The following PSD3 variants were observed in gnomAD, a reference collection of about 807,000 sequenced individuals.
PSD3 encodes the protein PH and SEC7 domain-containing protein 3.
In PSD3, 49 loss-of-function variants were observed where a neutral mutation model predicts 105.5. That is an observed-to-expected ratio of 0.46 (90% CI 0.37 to 0.59). PSD3 has a LOEUF of 0.59. Among genes scored for constraint, PSD3 ranks in the 20% least tolerant of loss-of-function variants. The pLI, the probability that PSD3 is intolerant of heterozygous loss-of-function variation, is 0.00. For synonymous variants in PSD3, 557 were observed against 457.8 expected (o/e 1.22, Z -2.77); for missense variants, 1,561 against 1,263.8 (o/e 1.24, Z -3.57).
chr8:18,946,691 G>A (rs542841376), intron 1 of PSD3, among the ~76,000 whole-genome samples: 1 of 151,990 alleles, frequency 6.6e-6, no homozygotes, highest in Non-Finnish European at 1.5e-5. Context: ...CCTGAGGTCA[G>A]GAGTTCAAGA....
chr8:19,044,297 G>A (rs145522854), intron 1 of PSD3, among the ~76,000 whole-genome samples: 4 of 152,030 alleles, frequency 2.6e-5, no homozygotes, highest in East Asian at 1.9e-4. Flanking sequence ...CTCAATCCAC[G>A]CTATTTACTA....
intron 4 of PSD3, among the ~76,000 whole-genome samples, chr8:18,828,441 A>G (rs1813406441): frequency 6.6e-6 from 1 of 152,190 alleles, no homozygotes; most frequent in Admixed American, 6.5e-5. Context: ...CTTCGATACA[A>G]GAAAGCCATC....
intron 1 of PSD3, chr8:18,979,773 A>G (rs114768233): frequency 0.017 from 2,743 of 158,870 alleles, 93 homozygotes; most frequent in African/African-American, 0.063. Context: ...TGCTACAACT[A>G]AAAGAAAGAA....
At chr8:18,764,447 AT>A (rs965015677) in intron 9 of PSD3, among the ~76,000 whole-genome samples, 15 of 151,652 alleles carry the variant, frequency 9.9e-5, no homozygotes, top group Admixed American at 2.6e-4. Flanking sequence ...TTTCTTCCTG[AT>A]TTTTTTTTCA....
rs369195482 is a variant in PSD3, at chr8:18,883,067, T to G, written c.131-10334A>C. On this transcript the variant is annotated intron_variant, in intron 2 of 15. Coordinates refer to ENST00000327040, the MANE Select transcript of PSD3 (RefSeq NM_015310.4). ...CATAGATATCACCAAGGAGGCTTGT[T>G]AGAAATTCAGACTCTCAGGCACCAC... Among the ~76,000 whole-genome samples, 13 of 152,246 alleles carry G rather than the reference T, an allele frequency of 8.5e-5. No individual in the cohort carries two copies. In the East Asian group the frequency reaches 9.7e-4, roughly 11 times the overall value.
chr8:18,684,182 C>T (rs1415299249), intron 9 of PSD3: 2 of 371,774 alleles, frequency 5.4e-6, no homozygotes, highest in East Asian at 5.0e-5. Flanking sequence ...TGCAATCCAC[C>T]CCTGCTACTC....
intron 1 of PSD3, among the ~76,000 whole-genome samples, chr8:19,045,856 C>T (rs1024113171): frequency 3.9e-5 from 6 of 152,198 alleles, no homozygotes; most frequent in Non-Finnish European, 5.9e-5. Context: ...AATAACCTGT[C>T]AGGTAAGTGT....
intron 9 of PSD3, among the ~76,000 whole-genome samples, chr8:18,670,675 T>A (rs73199909): frequency 0.035 from 5,396 of 152,182 alleles, 103 homozygotes; most frequent in East Asian, 0.049. Context: ...ATATTTAAAG[T>A]CATTTAAGCT....
chr8:18,904,220 G>A (rs1453424849), intron 2 of PSD3, among the ~76,000 whole-genome samples: 1 of 152,066 alleles, frequency 6.6e-6, no homozygotes, highest in African/African-American at 2.4e-5. Flanking sequence ...TAAACAACTA[G>A]GTCTTATATA....
At chr8:18,579,129 C>CACACAT (rs1240688090) in intron 12 of PSD3, among the ~76,000 whole-genome samples, 1 of 151,386 alleles carries the variant, frequency 6.6e-6, no homozygotes, top group Non-Finnish European at 1.5e-5. Flanking sequence ...CACACACACA[C>CACACAT]ACACAAAGGG....
At chr8:18,668,995 G>A (rs1192678934) in intron 9 of PSD3, among the ~76,000 whole-genome samples, 2 of 152,156 alleles carry the variant, frequency 1.3e-5, no homozygotes, top group Non-Finnish European at 2.9e-5. Context: ...TCACGGCTAA[G>A]AAAACTTATG....
intron 15 of PSD3, among the ~76,000 whole-genome samples, chr8:18,554,490 T>A (rs1011174988): frequency 5.3e-5 from 8 of 152,266 alleles, no homozygotes; most frequent in Admixed American, 5.2e-4. Context: ...CTTAGTAGAG[T>A]TCTCCGCCCA....
chr8:18,646,521 T>C (rs1282810857), intron 10 of PSD3, among the ~76,000 whole-genome samples: 2 of 152,068 alleles, frequency 1.3e-5, no homozygotes, highest in African/African-American at 4.8e-5. Flanking sequence ...TTCTAAAAAG[T>C]ACACACAAGG....
At chr8:18,959,910 T>C (rs759816434) in intron 1 of PSD3, among the ~76,000 whole-genome samples, 2 of 152,212 alleles carry the variant, frequency 1.3e-5, no homozygotes, top group African/African-American at 4.8e-5. Context: ...TTTCCCATTG[T>C]GGTCCCTCAG....
chr8:18,847,816 G>A (rs17127306), intron 4 of PSD3, among the ~76,000 whole-genome samples: 5,359 of 152,236 alleles, frequency 0.035, 108 homozygotes, highest in Admixed American at 0.069. Context: ...TCAGAGTCAC[G>A]CTGGCCTTGG....
chr8:18,819,843 C>T (rs1018904317), intron 4 of PSD3, among the ~76,000 whole-genome samples: 1 of 152,162 alleles, frequency 6.6e-6, no homozygotes, highest in African/African-American at 2.4e-5. Context: ...TCCCAAAGTG[C>T]TGGGTTTACA....
chr8:19,066,205 T>C (rs1265436239), intron 1 of PSD3, among the ~76,000 whole-genome samples: 2 of 152,230 alleles, frequency 1.3e-5, no homozygotes, highest in Non-Finnish European at 2.9e-5. Flanking sequence ...TACTACCAAC[T>C]GGTAGATACT....
intron 1 of PSD3, among the ~76,000 whole-genome samples, chr8:18,978,532 T>C (rs1233440558): frequency 1.3e-5 from 2 of 152,130 alleles, no homozygotes; most frequent in African/African-American, 4.8e-5. Context: ...CTCCTTAACA[T>C]CTCTCCATAA....
At chr8:18,608,943 T>C (rs1351407120) in intron 11 of PSD3, among the ~76,000 whole-genome samples, 1 of 152,214 alleles carries the variant, frequency 6.6e-6, no homozygotes, top group Non-Finnish European at 1.5e-5. Context: ...CATCAAAATC[T>C]TGTCCTGTTT....
Sources: gnomAD v4.1 joint callset for allele counts (sites outside exome capture counted in the v4.1 genomes callset) on GRCh38, gnomAD v4.1.1 for gene constraint, MANE v1.5 for transcripts, NCBI Gene and HGNC (gene_info 2026-07-23, HGNC 2026-07-21) for gene names.